OTOGL: variants seen among roughly 807,000 people sequenced by gnomAD.
OTOGL encodes the protein otogelin-like protein.
OTOGL carries 285 observed loss-of-function variants against 318.5 expected under a neutral mutation model. The observed-to-expected ratio is 0.89, with a 90% CI of 0.81 to 0.99. The LOEUF (loss-of-function observed/expected upper bound fraction) is 0.99. Among genes scored for constraint, OTOGL ranks in the 50% least tolerant of loss-of-function variants. The probability of loss-of-function intolerance (pLI) is 0.00; values close to 1 mark genes in which losing one functional copy is unlikely to be tolerated. For synonymous variants in OTOGL, 987 were observed against 936.5 expected (o/e 1.05, Z -0.99); for missense variants, 2,899 against 2,845.6 (o/e 1.02, Z -0.43).
intron 1 of OTOGL, among the ~76,000 whole-genome samples, chr12:80,205,759 C>A (rs1876766805): frequency 6.6e-6 from 1 of 152,114 alleles, no homozygotes; most frequent in African/African-American, 2.4e-5. Context: ...TTACGGGAGT[C>A]AAATGTTATC....
At chr12:80,196,789 A>G (rs1231836858) in intron 1 of OTOGL, among the ~76,000 whole-genome samples, 1 of 152,150 alleles carries the variant, frequency 6.6e-6, no homozygotes, top group Non-Finnish European at 1.5e-5. Context: ...TTAGGGCTCT[A>G]TATCAGCTCT....
chr12:80,108,300 TTATAA>T (rs559699772), intron 1 of OTOGL, among the ~76,000 whole-genome samples: 25 of 152,230 alleles, frequency 1.6e-4, no homozygotes, highest in South Asian at 1.0e-3. Flanking sequence ...AATTATTCTG[TTATAA>T]TATAATTGTT....
chr12:80,274,487 C>T (rs1883646896), intron 24 of OTOGL, among the ~76,000 whole-genome samples: 1 of 151,918 alleles, frequency 6.6e-6, no homozygotes, highest in Non-Finnish European at 1.5e-5. Context: ...CAGAGGTTGG[C>T]TTATGGAGTT....
intron 52 of OTOGL, among the ~76,000 whole-genome samples, chr12:80,364,880 G>A (rs996386964): frequency 1.1e-4 from 16 of 151,990 alleles, no homozygotes; most frequent in African/African-American, 2.4e-4. Context: ...GCTTAACATC[G>A]TTAAGTATCA....
intron 1 of OTOGL, among the ~76,000 whole-genome samples, chr12:80,101,446 G>A (rs1487431986): frequency 6.6e-6 from 1 of 152,280 alleles, no homozygotes; most frequent in Middle Eastern, 3.4e-3. Context: ...TTGGATAGGT[G>A]CCAAAAATGG....
chr12:80,295,873 T>C (rs950317838), intron 26 of OTOGL, among the ~76,000 whole-genome samples: 19 of 152,316 alleles, frequency 1.2e-4, no homozygotes, highest in Admixed American at 1.2e-3. Flanking sequence ...TTAAAACTTT[T>C]AAGGAACCAG....
chr12:80,170,854 G>A (rs906383182), intron 1 of OTOGL, among the ~76,000 whole-genome samples: 11 of 152,148 alleles, frequency 7.2e-5, no homozygotes, highest in African/African-American at 2.7e-4. Context: ...GTTTTTTATA[G>A]AACAAAATAT....
chr12:80,129,705 G>A (rs1463380067), intron 1 of OTOGL, among the ~76,000 whole-genome samples: 1 of 151,182 alleles, frequency 6.6e-6, no homozygotes, highest in Non-Finnish European at 1.5e-5. Flanking sequence ...TAATTTCCCT[G>A]TGGTCTGAAT....
In OTOGL at chr12:80,335,967, A is replaced by G. The variant is rs757819381; in HGVS notation, c.4427A>G (p.Gln1476Arg). Residue 1476 changes from glutamine (Q) to arginine (R), a missense_variant, in exon 39 of 59, where the codon CAG (glutamine) becomes CGG (arginine). Gln to Arg is a conservative substitution (Grantham distance 43). Coordinates refer to ENST00000547103, the MANE Select transcript of OTOGL (RefSeq NM_001378609.3). ...CTAATCTTTTTTTATTAACAGCCTC[A>G]GAAATTTGATCCTGTTTATGATTGT... is the stretch of plus-strand genomic sequence containing the variant. ...TPTTGLECEP[Q>R]KFDPVYDCSQ... The G allele has an allele frequency of 5.2e-6, 8 of 1,533,168 alleles. No homozygotes were observed. Among genetic ancestry groups the G allele is most frequent in the Non-Finnish European group, 7.0e-6 (8 of 1,146,182 alleles). 95.0% of individuals were successfully genotyped at this position (1,533,168 alleles called of 1,614,324 possible).
intron 24 of OTOGL, among the ~76,000 whole-genome samples, chr12:80,273,839 C>A (rs1405796113): frequency 6.6e-6 from 1 of 151,878 alleles, no homozygotes; most frequent in African/African-American, 2.4e-5. Context: ...GTAATTTTTG[C>A]AATATTTCAG....
At chr12:80,174,749 C>T (rs1874419089) in intron 1 of OTOGL, among the ~76,000 whole-genome samples, 1 of 151,988 alleles carries the variant, frequency 6.6e-6, no homozygotes, top group Non-Finnish European at 1.5e-5. Context: ...TTCTTCTCCC[C>T]AGTGAGCAGA....
At chr12:80,323,143 C>T (rs1343939660) in intron 34 of OTOGL, among the ~76,000 whole-genome samples, 1 of 36,782 alleles carries the variant, frequency 2.7e-5, no homozygotes, top group Non-Finnish European at 8.2e-5. Flanking sequence ...CACACACACA[C>T]ACACATATAT....
At chr12:80,250,214 C>T (rs1048431951) in intron 11 of OTOGL, among the ~76,000 whole-genome samples, 1 of 152,096 alleles carries the variant, frequency 6.6e-6, no homozygotes, top group African/African-American at 2.4e-5. Context: ...TTCTTTAATA[C>T]CCATTTTTCC....
chr12:80,229,689 A>G (rs963892303), intron 8 of OTOGL, among the ~76,000 whole-genome samples: 2 of 151,748 alleles, frequency 1.3e-5, no homozygotes, highest in Non-Finnish European at 2.9e-5. Context: ...CCTTAAGAGT[A>G]TCTTAAGAGT....
intron 1 of OTOGL, among the ~76,000 whole-genome samples, chr12:80,122,030 A>G (rs1870517249): frequency 6.6e-6 from 1 of 152,162 alleles, no homozygotes. Context: ...AAATAATTCA[A>G]GCACCAAATC....
intron 26 of OTOGL, among the ~76,000 whole-genome samples, chr12:80,295,943 A>T (rs575745906): frequency 1.1e-5 from 1 of 90,510 alleles, no homozygotes; most frequent in East Asian, 4.5e-4. Context: ...AAACCTATCC[A>T]TTAAACTGGG....
chr12:80,291,240 G>A (rs1885023480), intron 26 of OTOGL, among the ~76,000 whole-genome samples: 1 of 152,116 alleles, frequency 6.6e-6, no homozygotes, highest in Admixed American at 6.5e-5. Context: ...CTTTTCAAAT[G>A]ATATTTTTCT....
At chr12:80,172,276 TA>T (rs1258181043) in intron 1 of OTOGL, among the ~76,000 whole-genome samples, 3 of 142,168 alleles carry the variant, frequency 2.1e-5, no homozygotes, top group Admixed American at 1.3e-4. Flanking sequence ...TAGATCACCA[TA>T]ATAGGAAGTG....
chr12:80,301,960 G>A (rs1885794419), intron 27 of OTOGL, among the ~76,000 whole-genome samples: 1 of 152,200 alleles, frequency 6.6e-6, no homozygotes, highest in Non-Finnish European at 1.5e-5. Context: ...AAAACTAGCT[G>A]AATTTCTTTT....
Sources: allele counts gnomAD v4.1 joint callset (sites outside exome capture counted in the v4.1 genomes callset), GRCh38; gene constraint gnomAD v4.1.1; transcripts MANE v1.5; gene names NCBI Gene and HGNC (gene_info 2026-07-23, HGNC 2026-07-21).